KAT6A: variants seen among roughly 807,000 people sequenced by gnomAD.
KAT6A encodes the protein histone acetyltransferase KAT6A.
In KAT6A, 9 loss-of-function variants were observed where a neutral mutation model predicts 198.4. The ratio of observed to expected loss-of-function variants is 0.05; its 90% CI spans 0.03 to 0.08. The LOEUF (loss-of-function observed/expected upper bound fraction) is 0.08. Ranked by LOEUF, KAT6A falls within the 10% of genes least tolerant of loss-of-function variation. The pLI is 1.00. For synonymous variants in KAT6A, 890 were observed against 883.0 expected (o/e 1.01, Z -0.14); for missense variants, 2,077 against 2,509.9 (o/e 0.83, Z 3.69).
intron 8 of KAT6A, among the ~76,000 whole-genome samples, chr8:41,962,490 T>C (rs1823252373): frequency 6.6e-6 from 1 of 152,054 alleles, no homozygotes; most frequent in African/African-American, 2.4e-5. Flanking sequence ...TGGGTCTACC[T>C]TCAAAACATA....
chr8:41,946,741 C>T (rs1822416467), intron 11 of KAT6A, 57 bp from the exon 12 acceptor site: 8 of 1,022,836 alleles, frequency 7.8e-6, no homozygotes, highest in South Asian at 6.4e-5. Flanking sequence ...TGAATAATAA[C>T]GTGAATTAAG....
chr8:41,938,244 T>C (rs1821944327), intron 15 of KAT6A, among the ~76,000 whole-genome samples: 9 of 152,172 alleles, frequency 5.9e-5, no homozygotes, highest in Admixed American at 5.9e-4. Context: ...TCAGAGAGGG[T>C]ATAGGACTTG....
chr8:41,981,344 G>T (rs12545769), intron 4 of KAT6A, among the ~76,000 whole-genome samples: 1 of 152,052 alleles, frequency 6.6e-6, no homozygotes, highest in Non-Finnish European at 1.5e-5. Context: ...TAAAAGAGAT[G>T]AGTGACCATA....
chr8:41,937,148 T>G, intron 16 of KAT6A, 108 bp downstream of exon 16: 1 of 790,690 alleles, frequency 1.3e-6, no homozygotes. Flanking sequence ...CTTTTCTTGC[T>G]TAGTGGGTTG....
rs773302173 is a variant in KAT6A, at chr8:41,932,537, G to A, written c.5683C>T (p.Arg1895Cys). The A allele has an allele frequency of 2.3e-5, 37 of 1,614,124 alleles. No homozygotes were observed. Among genetic ancestry groups the A allele is most frequent in the Non-Finnish European group, 2.4e-5 (28 of 1,180,046 alleles). ...AGATTAACCCCCATGTTCATGCCAC[G>A]CTGAACAGCCAGTGCGCGAGGGCCA... ...QAGPRALAVQ[R>C]GMNMGVNLMP... The change falls in exon 17 of 17, where the codon CGT becomes TGT. Residue 1895 changes from arginine (R) to cysteine (C), a missense_variant. Coordinates refer to ENST00000265713, the MANE Select transcript of KAT6A (RefSeq NM_006766.5).
chr8:42,019,673 G>T (rs1826436712), intron 2 of KAT6A, among the ~76,000 whole-genome samples: 1 of 152,160 alleles, frequency 6.6e-6, no homozygotes, highest in Non-Finnish European at 1.5e-5. Flanking sequence ...GATGGTAACT[G>T]ATTGAGTATC....
rs546174187 is a variant in KAT6A at position 41,937,292 on chromosome 8, C to T, written c.3316G>A (p.Asp1106Asn). The change falls in exon 16 of 17, where the codon GAT (aspartate) becomes AAT (asparagine). Residue 1106 changes from aspartate (D) to asparagine (N), a missense_variant. Transcript: ENST00000265713. ...TCTGACTCTTCATCTTCTTCTTCAT[C>T]TTTAGACTTCCTCTTAGAAGAGGAC... Reference protein sequence around the residue: ...CQSSSKRKSKDEEEDEESDDA... With the variant: ...CQSSSKRKSKNEEEDEESDDA... The T allele has an allele frequency of 9.3e-6, 15 of 1,613,998 alleles. No homozygotes were observed. The Admixed American group carries it at 1.8e-4, about 20-fold the overall frequency.
intron 7 of KAT6A, 48 bp from the exon 8 acceptor site, chr8:41,974,870 C>A (rs1010824632): frequency 2.5e-6 from 3 of 1,178,632 alleles, no homozygotes; most frequent in Admixed American, 2.3e-5. Context: ...CAGATTAATA[C>A]ATGAACTAGA....
At position 42,041,934 on chromosome 8, in the gene KAT6A, G is replaced by A. The variant is rs181710840; in HGVS notation, c.600+6444C>T. On this transcript the variant is annotated intron_variant, in intron 2 of 16. Coordinates refer to ENST00000265713, the MANE Select transcript of KAT6A (RefSeq NM_006766.5). ...CCAAAGTGAACAATCATTCTGTCAA[G>A]CAGTCCACATAGCCCTGAATTTAAT... is the stretch of plus-strand genomic sequence containing the variant. Among the ~76,000 whole-genome samples, 313 of 152,076 alleles carry A rather than the reference G, an allele frequency of 2.1e-3. 1 individual carries two copies. Among genetic ancestry groups the A allele is most frequent in the Non-Finnish European group, 1.8e-3 (125 of 68,006 alleles).
chr8:42,046,229 G>A (rs751113897), intron 2 of KAT6A, among the ~76,000 whole-genome samples: 2 of 152,104 alleles, frequency 1.3e-5, no homozygotes, highest in Non-Finnish European at 2.9e-5. Flanking sequence ...TCAAGCAAGT[G>A]TAATTACAAT....
Position 42,048,990 on chromosome 8 carries a change from T to G in KAT6A, c.-13A>C, listed in dbSNP as rs1802460039. ...CGAGTTTTACCATGGTGAAGGATTC[T>G]GTATATCCATAGAGTCGTTATCCCT... On this transcript the variant is annotated 5_prime_UTR_variant, in exon 2 of 17. Transcript: ENST00000265713. The G allele has an allele frequency of 3.1e-6, 5 of 1,607,530 alleles. No homozygotes were observed. Among genetic ancestry groups the G allele is most frequent in the Non-Finnish European group, 4.2e-6 (5 of 1,177,802 alleles).
At chr8:41,957,468 T>TATTTTAAC (rs1822981425) in intron 8 of KAT6A, 1 of 324,116 alleles carries the variant, frequency 3.1e-6, no homozygotes, top group Admixed American at 4.5e-5. Context: ...TAGGTCTTTT[T>TATTTTAAC]ATTTTAACAT....
At chr8:41,981,598 A>G (rs998319202) in intron 4 of KAT6A, among the ~76,000 whole-genome samples, 2 of 152,214 alleles carry the variant, frequency 1.3e-5, no homozygotes, top group Admixed American at 6.5e-5. Context: ...GTATTTCTTT[A>G]ATGTGGCTTA....
chr8:42,008,429 C>T (rs1043845492), intron 2 of KAT6A, among the ~76,000 whole-genome samples: 2 of 152,118 alleles, frequency 1.3e-5, no homozygotes, highest in African/African-American at 2.4e-5. Flanking sequence ...CCTCTGCCTC[C>T]TGGGTTCAAG....
intron 2 of KAT6A, among the ~76,000 whole-genome samples, chr8:42,029,672 G>C (rs1827010231): frequency 6.6e-6 from 1 of 150,638 alleles, no homozygotes; most frequent in Non-Finnish European, 1.5e-5. Flanking sequence ...TGCCCAGGCT[G>C]ATCTCAAACT....
chr8:41,978,515 C>G lies in KAT6A; in HGVS notation c.1043+127G>C. The stretch of plus-strand genomic sequence containing the variant: ...TATTAAGGGCTGAATAAGTGTTAGC[C>G]ATTATTATTATATAAAAGTGCCAGA... On this transcript the variant is annotated intron_variant, in intron 6 of 16. Coordinates refer to ENST00000265713, the MANE Select transcript of KAT6A (RefSeq NM_006766.5). 3 of 899,708 alleles carry G rather than the reference C, an allele frequency of 3.3e-6. No homozygotes were observed. In the South Asian group the frequency reaches 5.4e-5, roughly 16 times the overall value. 55.7% of individuals were successfully genotyped at this position (899,708 alleles called of 1,614,324 possible).
rs1480592423 is a variant in KAT6A at position 41,973,761 on chromosome 8, C to T, written c.1482+943G>A. ...TATCTTCAAGTCTATTCCACCTTCA[C>T]TTCTGTTCCTTCTGATTATATAAGA... is the stretch of plus-strand genomic sequence containing the variant. On this transcript the variant is annotated intron_variant, in intron 8 of 16. Coordinates refer to ENST00000265713, the MANE Select transcript of KAT6A (RefSeq NM_006766.5). Among the ~76,000 whole-genome samples the T allele has an allele frequency of 3.9e-5, 6 of 152,172 alleles. No individual in the cohort carries two copies. The South Asian group carries it at 8.3e-4, about 21-fold the overall frequency.
At chr8:42,033,735 C>T (rs1180019739) in intron 2 of KAT6A, among the ~76,000 whole-genome samples, 1 of 152,148 alleles carries the variant, frequency 6.6e-6, no homozygotes, top group African/African-American at 2.4e-5. Context: ...ACGATGTCTG[C>T]TTTACCTACT....
At chr8:42,024,241 G>C (rs1826685012) in intron 2 of KAT6A, among the ~76,000 whole-genome samples, 1 of 152,146 alleles carries the variant, frequency 6.6e-6, no homozygotes, top group South Asian at 2.1e-4. Flanking sequence ...CAAACATGCT[G>C]AGTAGTGCAC....
Sources: gnomAD v4.1 joint callset for allele counts (sites outside exome capture counted in the v4.1 genomes callset) on GRCh38, gnomAD v4.1.1 for gene constraint, MANE v1.5 for transcripts, NCBI Gene and HGNC (gene_info 2026-07-23, HGNC 2026-07-21) for gene names.